Variants in PPIP5K2 observed in about 807,000 individuals in gnomAD.
The protein encoded by PPIP5K2 is diphosphoinositol pentakisphosphate kinase 2, also known as inositol hexakisphosphate and diphosphoinositol-pentakisphosphate kinase 2.
Under a neutral mutation model 154.6 loss-of-function variants are expected in PPIP5K2, and 105 were observed. That is an observed-to-expected ratio of 0.68 (90% CI 0.58 to 0.80). The LOEUF (loss-of-function observed/expected upper bound fraction) is 0.80. Ranked by LOEUF, PPIP5K2 falls within the 30% of genes least tolerant of loss-of-function variation. PPIP5K2 has a pLI of 0.00. For missense variants in PPIP5K2, 992 were observed against 1,504.6 expected (o/e 0.66, Z 5.64); for synonymous variants, 480 against 490.3 (o/e 0.98, Z 0.28).
intron 1 of PPIP5K2, among the ~76,000 whole-genome samples, chr5:103,121,309 G>A (rs1788678864): frequency 6.6e-6 from 1 of 152,156 alleles, no homozygotes; most frequent in African/African-American, 2.4e-5. Context: ...TATGTGTGCC[G>A]AGTGCTTTAC....
intron 21 of PPIP5K2, 97 bp from the exon 22 acceptor site, chr5:103,177,570 G>C (rs1009862835): frequency 2.8e-6 from 2 of 704,432 alleles, no homozygotes; most frequent in Non-Finnish European, 4.7e-6. Context: ...ACTTTATGTG[G>C]TATCACTAGG....
chr5:103,121,292 T>C (rs949515180), intron 1 of PPIP5K2, among the ~76,000 whole-genome samples: 1 of 152,240 alleles, frequency 6.6e-6, no homozygotes, highest in Non-Finnish European at 1.5e-5. Context: ...TGCCATTAAC[T>C]GAGTCTTATG....
chr5:103,168,279 A>G lies in PPIP5K2; in HGVS notation c.2270A>G (p.Asp757Gly). 6.3e-7 allele frequency: 1 copy of G among 1,598,868 alleles called. No homozygotes were observed. Among genetic ancestry groups the G allele is most frequent in the Non-Finnish European group, 8.6e-7 (1 of 1,168,842 alleles). The change falls in exon 19 of 31, where the codon GAT becomes GGT. Residue 757 changes from aspartate to glycine, a missense_variant. Coordinates refer to ENST00000358359, the MANE Select transcript of PPIP5K2 (RefSeq NM_001276277.3). ...TATAGGCTTTCGAAGGCATTAGCAG[A>G]TATTGTTATCCCTCAGGTAAGTCAT... ...ELYRLSKALA[D>G]IVIPQEYGIT...
Position 103,190,916 on chromosome 5 carries a change from G to A in PPIP5K2, c.3427G>A (p.Val1143Met). ...TLHNALSLKQ[V>M]DEFLASIASP... is the part of the protein sequence containing the mutation. ...TCATAATGCCCTATCTTTAAAGCAA[G>A]TGGATGAATTTCTTGCTTCCATTGC... Residue 1143 changes from valine (V) to methionine (M), a missense_variant, in exon 29 of 31, where the codon GTG becomes ATG. Coordinates refer to ENST00000358359, the MANE Select transcript of PPIP5K2 (RefSeq NM_001276277.3). 1 of 1,609,918 alleles carries A rather than the reference G, an allele frequency of 6.2e-7. No individual in the cohort carries two copies. The highest frequency in any genetic ancestry group is 1.1e-5 in the South Asian group (1 of 90,444).
chr5:103,155,397 C>T (rs1475011782), intron 13 of PPIP5K2, among the ~76,000 whole-genome samples: 1 of 90,984 alleles, frequency 1.1e-5, no homozygotes, highest in Admixed American at 1.3e-4. Context: ...TTTATCTCTT[C>T]AGAGTTGTCT....
At chr5:103,148,137 T>C (rs1554209876) in intron 7 of PPIP5K2, 105 bp downstream of exon 7, 1 of 835,892 alleles carries the variant, frequency 1.2e-6, no homozygotes, top group Non-Finnish European at 2.0e-6. Flanking sequence ...TCTGGATCTC[T>C]TTCTTTTTGA....
chr5:103,135,295 C>T (rs781968595), intron 3 of PPIP5K2, among the ~76,000 whole-genome samples: 14 of 152,098 alleles, frequency 9.2e-5, no homozygotes, highest in Non-Finnish European at 1.3e-4. Flanking sequence ...GGCTTAGAGA[C>T]GTTAAATAAA....
chr5:103,126,105 T>G (rs1418496595), intron 1 of PPIP5K2, among the ~76,000 whole-genome samples: 1 of 152,220 alleles, frequency 6.6e-6, no homozygotes, highest in Non-Finnish European at 1.5e-5. Flanking sequence ...TTACCTGGAA[T>G]GTTCACACCA....
chr5:103,194,723 C>T, intron 29 of PPIP5K2, 177 bp from the exon 30 acceptor site: 1 of 588,334 alleles, frequency 1.7e-6, no homozygotes, highest in Non-Finnish European at 3.0e-6. Flanking sequence ...TTGTCTAAGG[C>T]CATAACAGAA....
At chr5:103,171,221 A>AC (rs1797928481) in intron 19 of PPIP5K2, among the ~76,000 whole-genome samples, 2 of 151,544 alleles carry the variant, frequency 1.3e-5, no homozygotes, top group Non-Finnish European at 3.0e-5. Context: ...TAATCCTCAG[A>AC]AAATTGGGGC....
At chr5:103,179,306 A>C (rs1799158526) in intron 23 of PPIP5K2, among the ~76,000 whole-genome samples, 1 of 151,874 alleles carries the variant, frequency 6.6e-6, no homozygotes, top group African/African-American at 2.4e-5. Flanking sequence ...ATGTAGTTGC[A>C]TTTAGTTTTA....
rs1803787372 is a variant in PPIP5K2 at position 103,211,151 on chromosome 5, T to C, written c.*9517T>C. On this transcript the variant is annotated 3_prime_UTR_variant, in exon 31 of 31. Coordinates refer to ENST00000358359, the MANE Select transcript of PPIP5K2 (RefSeq NM_001276277.3). ...GAGATCTGGGTTCTGACCTATCTCT[T>C]ACAGTCCATAATGTTGTGATTCTAA... 1 of 152,132 alleles carries C rather than the reference T, an allele frequency of 6.6e-6. No homozygotes were observed. The allele number at this position is 152,132 out of a possible 1,614,324, so 9.4% of individuals were successfully genotyped here.
Position 103,173,697 on chromosome 5 carries a change from T to C in PPIP5K2, c.2415-161T>C, listed in dbSNP as rs545896636. Among the ~76,000 whole-genome samples, 4 of 152,196 alleles carry C rather than the reference T, an allele frequency of 2.6e-5. No homozygotes were observed. The South Asian group carries it at 8.3e-4, about 31-fold the overall frequency. On this transcript the variant is annotated intron_variant, in intron 20 of 30. Transcript: ENST00000358359. ...TATAGTTTGTGTCATGTTAGAAGAA[T>C]ATATACTAAGATAAATTCTCTATTG...
chr5:103,132,555 A>C (rs566027504), intron 2 of PPIP5K2, among the ~76,000 whole-genome samples: 1 of 152,282 alleles, frequency 6.6e-6, no homozygotes, highest in East Asian at 1.9e-4. Flanking sequence ...CAAAAAAAAA[A>C]ATTAATTAAT....
intron 19 of PPIP5K2, 82 bp from the exon 20 acceptor site, chr5:103,173,073 C>A: frequency 8.7e-7 from 1 of 1,154,378 alleles, no homozygotes; most frequent in Non-Finnish European, 1.2e-6. Context: ...ATTTGTCTCT[C>A]ACTAGACTAA....
chr5:103,205,617 T>C lies in PPIP5K2; in HGVS notation c.*3983T>C, dbSNP rs1176100199. On this transcript the variant is annotated 3_prime_UTR_variant, in exon 31 of 31. Coordinates refer to ENST00000358359, the MANE Select transcript of PPIP5K2 (RefSeq NM_001276277.3). ...TTCTTTTGGTTCATGTGCTTTGTCA[T>C]GGATTGTGAGAAAAACATCTTTTCG... 2 of 152,222 alleles carry C rather than the reference T, an allele frequency of 1.3e-5. No individual in the cohort carries two copies. Among genetic ancestry groups the C allele is most frequent in the South Asian group, 2.1e-4 (1 of 4,838 alleles). The allele number at this position is 152,222 out of a possible 1,614,324, so 9.4% of individuals were successfully genotyped here.
rs910384887 is a variant in PPIP5K2 at position 103,149,413 on chromosome 5, G to A, written c.906+100G>A. The A allele has an allele frequency of 3.4e-5, 39 of 1,138,670 alleles. No individual in the cohort carries two copies. In the African/African-American group the frequency reaches 3.8e-4, roughly 11 times the overall value. 70.5% of individuals were successfully genotyped at this position (1,138,670 alleles called of 1,614,324 possible). A position where few individuals can be genotyped will look rare whatever the true frequency, so the allele number is the denominator to read the frequency against. ...GTGCTTATAATTGGAGAAGTAAACC[G>A]AGAAAGTAATTAATACATCTGAATG... On this transcript the variant is annotated intron_variant, in intron 8 of 30. Transcript: ENST00000358359.
intron 29 of PPIP5K2, 54 bp from the exon 30 acceptor site, chr5:103,194,844 TAA>T (rs1367422192): frequency 3.3e-5 from 52 of 1,555,566 alleles, no homozygotes; most frequent in Middle Eastern, 3.5e-4. Flanking sequence ...TCTATGATGT[TAA>T]GAGATAATTG....
chr5:103,175,130 A>T (rs1798513237), intron 21 of PPIP5K2, among the ~76,000 whole-genome samples: 1 of 152,106 alleles, frequency 6.6e-6, no homozygotes, highest in Non-Finnish European at 1.5e-5. Flanking sequence ...AAGAAAACTC[A>T]ATTTTGTTTT....
Sources: gnomAD v4.1 joint callset for allele counts (sites outside exome capture counted in the v4.1 genomes callset) on GRCh38, gnomAD v4.1.1 for gene constraint, MANE v1.5 for transcripts, NCBI Gene and HGNC (gene_info 2026-07-23, HGNC 2026-07-21) for gene names.